Variants in NRP1 observed in about 807,000 individuals in gnomAD.
NRP1 encodes the protein neuropilin 1, also known as neuropilin-1.
In NRP1, 35 loss-of-function variants were observed where a neutral mutation model predicts 106.7. The observed-to-expected ratio is 0.33, with a 90% CI of 0.25 to 0.43. The LOEUF (loss-of-function observed/expected upper bound fraction) is 0.43. Among genes scored for constraint, NRP1 ranks in the 20% least tolerant of loss-of-function variants. The probability of loss-of-function intolerance (pLI) is 1.00; values close to 1 mark genes in which losing one functional copy is unlikely to be tolerated. For missense variants in NRP1, 1,024 were observed against 1,170.4 expected, an observed-to-expected ratio of 0.87 and a Z score of 1.83; for synonymous variants, 437 against 417.9, an observed-to-expected ratio of 1.05 and a Z score of -0.56.
chr10:33,200,127 AC>A (rs1837165014), intron 11 of NRP1, among the ~76,000 whole-genome samples: 1 of 152,228 alleles, frequency 6.6e-6, no homozygotes, highest in Non-Finnish European at 1.5e-5. Context: ...AGGCCAGGAT[AC>A]ATTAGCGTTC....
intron 6 of NRP1, among the ~76,000 whole-genome samples, chr10:33,248,811 AC>A (rs749471597): frequency 6.6e-6 from 1 of 152,206 alleles, no homozygotes; most frequent in Non-Finnish European, 1.5e-5. Flanking sequence ...TGACTAATCC[AC>A]AAGAGGGCTG....
In NRP1 at chr10:33,285,303, T is replaced by A. The variant is rs1285435563; in HGVS notation, c.249-14447A>T. Among the ~76,000 whole-genome samples the A allele has an allele frequency of 2.6e-5, 4 of 152,268 alleles. No homozygotes were observed. The East Asian group carries it at 7.7e-4, about 29-fold the overall frequency. On this transcript the variant is annotated intron_variant, in intron 2 of 16. Coordinates refer to ENST00000374867, the MANE Select transcript of NRP1 (RefSeq NM_003873.7). The stretch of plus-strand genomic sequence containing the variant: ...TAAGCAATATTTTACAGTGGGAAGA[T>A]ATAATAGACCAAGGTTGCATTTTAT...
At chr10:33,186,533 C>A in intron 13 of NRP1, 45 bp from the exon 14 acceptor site, 2 of 1,560,252 alleles carry the variant, frequency 1.3e-6, no homozygotes, top group South Asian at 1.2e-5. Context: ...CCAGGATTAC[C>A]ACACTTTTAT....
intron 12 of NRP1, 73 bp from the exon 13 acceptor site, chr10:33,192,491 C>T (rs559301265): frequency 9.1e-5 from 139 of 1,523,822 alleles, no homozygotes; most frequent in Middle Eastern, 5.2e-4. Flanking sequence ...GTCACAAAGG[C>T]CCTTGGTTCA....
At chr10:33,285,812 G>A (rs1381318939) in intron 2 of NRP1, among the ~76,000 whole-genome samples, 3 of 151,042 alleles carry the variant, frequency 2.0e-5, no homozygotes, top group African/African-American at 7.3e-5. Context: ...CAGCCTGGGG[G>A]AGGGAGCGAG....
At chr10:33,312,976 G>C (rs1433894254) in intron 2 of NRP1, among the ~76,000 whole-genome samples, 1 of 152,190 alleles carries the variant, frequency 6.6e-6, no homozygotes, top group African/African-American at 2.4e-5. Context: ...GGCTCCTGTA[G>C]TTTGAAGACC....
chr10:33,274,061 T>C (rs1301252535), intron 2 of NRP1, among the ~76,000 whole-genome samples: 1 of 151,786 alleles, frequency 6.6e-6, no homozygotes, highest in Non-Finnish European at 1.5e-5. Flanking sequence ...ATTTTCTACC[T>C]TAAACCTTCC....
intron 6 of NRP1, among the ~76,000 whole-genome samples, chr10:33,253,161 C>T (rs1212304081): frequency 6.6e-6 from 1 of 152,130 alleles, no homozygotes; most frequent in Non-Finnish European, 1.5e-5. Context: ...ACAGATCCAG[C>T]TATGGATGTT....
At chr10:33,227,547 A>T (rs1311064185) in intron 6 of NRP1, among the ~76,000 whole-genome samples, 1 of 152,148 alleles carries the variant, frequency 6.6e-6, no homozygotes, top group Admixed American at 6.5e-5. Context: ...CCAAGTCATC[A>T]GGTGGGGGAG....
intron 2 of NRP1, among the ~76,000 whole-genome samples, chr10:33,312,023 G>A (rs1426121637): frequency 6.6e-6 from 1 of 152,160 alleles, no homozygotes; most frequent in Non-Finnish European, 1.5e-5. Context: ...AACTTTAGAA[G>A]TTAGTCCTCT....
At chr10:33,333,037 C>G (rs1228933881) in intron 1 of NRP1, among the ~76,000 whole-genome samples, 2 of 152,162 alleles carry the variant, frequency 1.3e-5, no homozygotes, top group Non-Finnish European at 2.9e-5. Flanking sequence ...AATTTCTAGT[C>G]CAACCATTTG....
At chr10:33,207,863 C>T (rs994994103) in intron 9 of NRP1, 147 bp from the exon 10 acceptor site, 19 of 685,092 alleles carry the variant, frequency 2.8e-5, no homozygotes, top group African/African-American at 1.6e-4. Flanking sequence ...CTTTCATAAA[C>T]GAGAAAGGAA....
chr10:33,329,184 C>T (rs1233481805), intron 2 of NRP1, among the ~76,000 whole-genome samples: 1 of 152,156 alleles, frequency 6.6e-6, no homozygotes, highest in African/African-American at 2.4e-5. Context: ...CAAGCAGTCA[C>T]TGGAACACTA....
At chr10:33,277,702 A>G (rs1453400482) in intron 2 of NRP1, among the ~76,000 whole-genome samples, 1 of 152,272 alleles carries the variant, frequency 6.6e-6, no homozygotes, top group Admixed American at 6.5e-5. Flanking sequence ...TATAAAATAT[A>G]AAATTGCATG....
intron 6 of NRP1, among the ~76,000 whole-genome samples, chr10:33,244,883 A>G (rs1015341352): frequency 9.2e-5 from 14 of 152,198 alleles, no homozygotes; most frequent in Admixed American, 2.6e-4. Context: ...ATAATTTGCA[A>G]TTTTATCCTG....
intron 6 of NRP1, among the ~76,000 whole-genome samples, chr10:33,235,560 G>A (rs541849174): frequency 5.3e-5 from 8 of 152,296 alleles, no homozygotes; most frequent in Non-Finnish European, 8.8e-5. Flanking sequence ...TGCATTGGAC[G>A]CAAAACCTGA....
At chr10:33,311,647 CAGA>C (rs1332766306) in intron 2 of NRP1, among the ~76,000 whole-genome samples, 4 of 152,162 alleles carry the variant, frequency 2.6e-5, no homozygotes, top group African/African-American at 7.2e-5. Flanking sequence ...ATGAAGTTTT[CAGA>C]AGAAGAATTC....
chr10:33,241,721 TA>T (rs60012667), intron 6 of NRP1, among the ~76,000 whole-genome samples: 19,378 of 142,930 alleles, frequency 0.14, 1,561 homozygotes, highest in East Asian at 0.51. Context: ...TTGGAAAGGC[TA>T]AAAAAAAAAA....
At chr10:33,320,067 C>T (rs1847378890) in intron 2 of NRP1, among the ~76,000 whole-genome samples, 1 of 150,362 alleles carries the variant, frequency 6.7e-6, no homozygotes, top group Non-Finnish European at 1.5e-5. Flanking sequence ...AATCCCAGCA[C>T]TTTGGGAGGC....
Sources: allele counts gnomAD v4.1 joint callset (sites outside exome capture counted in the v4.1 genomes callset), GRCh38; gene constraint gnomAD v4.1.1; transcripts MANE v1.5; gene names NCBI Gene and HGNC (gene_info 2026-07-23, HGNC 2026-07-21).